Variants in SLC22A3 observed in about 807,000 individuals in gnomAD.
SLC22A3 encodes EMT organic cation transporter 3.
Under a neutral mutation model 59.1 loss-of-function variants are expected in SLC22A3, and 51 were observed. That is an observed-to-expected ratio of 0.86 (90% CI 0.69 to 1.09). The LOEUF (loss-of-function observed/expected upper bound fraction) is 1.09, where lower values mean the gene tolerates loss of function less well. Ranked by LOEUF, SLC22A3 falls within the 50% of genes least tolerant of loss-of-function variation. The pLI, the probability that SLC22A3 is intolerant of heterozygous loss-of-function variation, is 0.00. For synonymous variants in SLC22A3, 325 were observed against 292.0 expected, an observed-to-expected ratio of 1.11 and a Z score of -1.15; for missense variants, 711 against 726.3, an observed-to-expected ratio of 0.98 and a Z score of 0.24.
In SLC22A3 at chr6:160,405,145, A is replaced by C. The variant is rs1482410271; in HGVS notation, c.534-1896A>C. ...CACAGACTGGGAGAAAATATTAACA[A>C]AAGGCAAATATTTGATAAAGAACTG... On this transcript the variant is annotated intron_variant, in intron 2 of 10. Coordinates refer to ENST00000275300, the MANE Select transcript of SLC22A3 (RefSeq NM_021977.4). 2.6e-5 allele frequency among the ~76,000 whole-genome samples: 4 copies of C among 152,146 alleles called. No homozygotes were observed. The East Asian group carries it at 7.7e-4, about 29-fold the overall frequency.
intron 4 of SLC22A3, among the ~76,000 whole-genome samples, chr6:160,409,268 G>A (rs1377227043): frequency 1.9e-4 from 18 of 95,244 alleles, no homozygotes; most frequent in Admixed American, 7.3e-4. Context: ...GAGAATATGC[G>A]GTGTTTGGTT....
At chr6:160,417,177 A>G (rs535962751) in intron 5 of SLC22A3, among the ~76,000 whole-genome samples, 37 of 152,308 alleles carry the variant, frequency 2.4e-4, no homozygotes, top group African/African-American at 8.7e-4. Flanking sequence ...GATTGCGCCC[A>G]AGGAGCAGAA....
chr6:160,378,515 G>A (rs1196849771), intron 1 of SLC22A3, among the ~76,000 whole-genome samples: 8 of 152,146 alleles, frequency 5.3e-5, no homozygotes, highest in Non-Finnish European at 1.0e-4. Context: ...GTTGAAAGAC[G>A]GAAATTAAAA....
At chr6:160,446,986 C>T (rs1400799913) in intron 9 of SLC22A3, among the ~76,000 whole-genome samples, 3 of 152,332 alleles carry the variant, frequency 2.0e-5, no homozygotes, top group Middle Eastern at 3.4e-3. Context: ...TTGGCAGATG[C>T]TGCCAATCAG....
chr6:160,432,628 A>T (rs552938104), intron 5 of SLC22A3, among the ~76,000 whole-genome samples: 1 of 152,160 alleles, frequency 6.6e-6, no homozygotes, highest in African/African-American at 2.4e-5. Flanking sequence ...GGGTTTCACC[A>T]TGTTGGCCAG....
At chr6:160,423,155 A>G (rs1787813561) in intron 5 of SLC22A3, among the ~76,000 whole-genome samples, 1 of 152,224 alleles carries the variant, frequency 6.6e-6, no homozygotes, top group Non-Finnish European at 1.5e-5. Context: ...TACAAAGGAC[A>G]TGAACTCATC....
chr6:160,379,129 T>G (rs1447344807), intron 1 of SLC22A3, among the ~76,000 whole-genome samples: 2 of 152,160 alleles, frequency 1.3e-5, no homozygotes, highest in Non-Finnish European at 2.9e-5. Context: ...TACACAGAAC[T>G]CAGCATCATG....
intron 7 of SLC22A3, among the ~76,000 whole-genome samples, chr6:160,439,370 A>G (rs941389121): frequency 3.9e-5 from 6 of 152,208 alleles, no homozygotes; most frequent in African/African-American, 1.2e-4. Context: ...ATATGAAATT[A>G]GAAATGCAGC....
intron 1 of SLC22A3, among the ~76,000 whole-genome samples, chr6:160,364,920 T>G (rs940009807): frequency 6.6e-6 from 1 of 152,222 alleles, no homozygotes; most frequent in Non-Finnish European, 1.5e-5. Flanking sequence ...TCTGTTAAAG[T>G]GTACACATTA....
chr6:160,412,187 C>A (rs1414184358), intron 5 of SLC22A3, among the ~76,000 whole-genome samples: 4 of 152,000 alleles, frequency 2.6e-5, no homozygotes, highest in Admixed American at 2.0e-4. Context: ...CATGGTGAAA[C>A]CCCATCTCTA....
intron 1 of SLC22A3, among the ~76,000 whole-genome samples, chr6:160,386,795 GT>G (rs1160689587): frequency 6.6e-6 from 1 of 152,212 alleles, no homozygotes; most frequent in East Asian, 1.9e-4. Flanking sequence ...CATTATTGCT[GT>G]TGCTTTGGAG....
chr6:160,420,867 C>T lies in SLC22A3; in HGVS notation c.975+10021C>T, dbSNP rs539743267. 7.9e-5 allele frequency among the ~76,000 whole-genome samples: 12 copies of T among 152,346 alleles called. No individual in the cohort carries two copies. The East Asian group carries it at 1.7e-3, about 22-fold the overall frequency. Reference sequence around the variant, plus strand: ...ATTCCCGCCTGGCTGGAGGATGGGTCTGGGATCTGCTTGCCAGCCGTTCCC... The same window carrying T: ...ATTCCCGCCTGGCTGGAGGATGGGTTTGGGATCTGCTTGCCAGCCGTTCCC... On this transcript the variant is annotated intron_variant, in intron 5 of 10. Transcript: ENST00000275300.
intron 10 of SLC22A3, among the ~76,000 whole-genome samples, chr6:160,450,294 AG>A (rs1283484004): frequency 2.0e-5 from 3 of 152,194 alleles, no homozygotes; most frequent in Admixed American, 6.5e-5. Context: ...TGCTAGGAAA[AG>A]ACTTCAGCAA....
intron 7 of SLC22A3, among the ~76,000 whole-genome samples, chr6:160,441,234 T>C (rs1486025935): frequency 6.6e-6 from 1 of 152,128 alleles, no homozygotes; most frequent in East Asian, 1.9e-4. Context: ...CTGCTCCCAC[T>C]TTCCCCTTCC....
At chr6:160,413,440 C>T (rs1288301624) in intron 5 of SLC22A3, among the ~76,000 whole-genome samples, 1 of 152,166 alleles carries the variant, frequency 6.6e-6, no homozygotes, top group Non-Finnish European at 1.5e-5. Flanking sequence ...TATGCATATC[C>T]CTCAGCTCCA....
At chr6:160,376,209 A>G (rs748979156) in intron 1 of SLC22A3, among the ~76,000 whole-genome samples, 7 of 152,224 alleles carry the variant, frequency 4.6e-5, no homozygotes, top group African/African-American at 2.4e-5. Flanking sequence ...GGATGAAGCT[A>G]GAGGCCATCA....
intron 1 of SLC22A3, among the ~76,000 whole-genome samples, chr6:160,352,806 A>G (rs570455548): frequency 6.6e-6 from 1 of 152,236 alleles, no homozygotes; most frequent in East Asian, 1.9e-4. Flanking sequence ...AAAGTGTTTT[A>G]ATAGTGTAAT....
chr6:160,355,329 T>A (rs1784793377), intron 1 of SLC22A3, among the ~76,000 whole-genome samples: 2 of 152,186 alleles, frequency 1.3e-5, no homozygotes, highest in African/African-American at 4.8e-5. Flanking sequence ...CTCCACCCCA[T>A]GTCTCCGCCT....
chr6:160,404,684 G>C (rs370369587), intron 2 of SLC22A3, among the ~76,000 whole-genome samples: 22 of 152,030 alleles, frequency 1.4e-4, no homozygotes, highest in African/African-American at 3.4e-4. Context: ...ACTACTTAAC[G>C]TCAAGACTTA....
Sources: gnomAD v4.1 joint callset for allele counts (sites outside exome capture counted in the v4.1 genomes callset) on GRCh38, gnomAD v4.1.1 for gene constraint, MANE v1.5 for transcripts, NCBI Gene and HGNC (gene_info 2026-07-23, HGNC 2026-07-21) for gene names.